The following ZFPM2 variants were observed in gnomAD, a reference collection of about 807,000 sequenced individuals.
ZFPM2 encodes zinc finger protein, FOG family member 2.
In ZFPM2, 20 loss-of-function variants were observed where a neutral mutation model predicts 98.6. The ratio of observed to expected loss-of-function variants is 0.20; its 90% CI spans 0.14 to 0.29. ZFPM2 has a LOEUF of 0.29. Ranked by LOEUF, ZFPM2 falls within the 10% of genes least tolerant of loss-of-function variation. The probability of loss-of-function intolerance (pLI) is 1.00; values close to 1 mark genes in which losing one functional copy is unlikely to be tolerated. For missense variants in ZFPM2, 1,310 were observed against 1,388.6 expected, an observed-to-expected ratio of 0.94 and a Z score of 0.90; for synonymous variants, 518 against 502.7, an observed-to-expected ratio of 1.03 and a Z score of -0.41.
At chr8:105,510,399 T>G (rs78856789) in intron 3 of ZFPM2, among the ~76,000 whole-genome samples, 1 of 61,120 alleles carries the variant, frequency 1.6e-5, no homozygotes, top group African/African-American at 1.8e-4. Context: ...TCTGTGCATG[T>G]TTTTTTTTTT....
intron 3 of ZFPM2, among the ~76,000 whole-genome samples, chr8:105,522,753 A>AT (rs1391978498): frequency 2.0e-5 from 3 of 152,008 alleles, no homozygotes; most frequent in Non-Finnish European, 4.4e-5. Context: ...CATCTTTCAA[A>AT]AAAAAAAAGA....
intron 1 of ZFPM2, among the ~76,000 whole-genome samples, chr8:105,397,134 C>T (rs116215444): frequency 1.8e-3 from 276 of 152,242 alleles, no homozygotes; most frequent in African/African-American, 6.1e-3. Context: ...GTATTTTTCT[C>T]ACACTACTCT....
At chr8:105,619,254 T>A (rs1340060078) in intron 4 of ZFPM2, among the ~76,000 whole-genome samples, 1 of 152,174 alleles carries the variant, frequency 6.6e-6, no homozygotes, top group Non-Finnish European at 1.5e-5. Flanking sequence ...CAAATATGTG[T>A]GTTTGGTCAT....
At chr8:105,399,839 C>A (rs183666750) in intron 1 of ZFPM2, among the ~76,000 whole-genome samples, 1 of 152,092 alleles carries the variant, frequency 6.6e-6, no homozygotes, top group African/African-American at 2.4e-5. Context: ...GATCTCGGCT[C>A]ACCGCAACCT....
intron 3 of ZFPM2, among the ~76,000 whole-genome samples, chr8:105,468,925 C>G (rs1236288293): frequency 1.3e-5 from 2 of 151,866 alleles, no homozygotes; most frequent in South Asian, 2.1e-4. Flanking sequence ...CCTCTTTCCT[C>G]TCTGCTTTAT....
At chr8:105,572,118 A>G (rs1328324253) in intron 4 of ZFPM2, among the ~76,000 whole-genome samples, 4 of 148,216 alleles carry the variant, frequency 2.7e-5, no homozygotes, top group African/African-American at 1.0e-4. Context: ...TCTCACTGCA[A>G]GCTCCACCTC....
At chr8:105,460,017 A>G (rs1490167120) in intron 3 of ZFPM2, among the ~76,000 whole-genome samples, 1 of 152,164 alleles carries the variant, frequency 6.6e-6, no homozygotes, top group Non-Finnish European at 1.5e-5. Flanking sequence ...TCCTAAATCT[A>G]GAACCCTCTG....
chr8:105,352,499 A>G (rs1187386220), intron 1 of ZFPM2, among the ~76,000 whole-genome samples: 1 of 152,158 alleles, frequency 6.6e-6, no homozygotes, highest in Admixed American at 6.5e-5. Flanking sequence ...TTTTAATTGG[A>G]AAAGAGTCCA....
At chr8:105,544,845 T>A (rs1212322760) in intron 3 of ZFPM2, among the ~76,000 whole-genome samples, 1 of 152,204 alleles carries the variant, frequency 6.6e-6, no homozygotes, top group African/African-American at 2.4e-5. Context: ...AAATTCCACA[T>A]GTTCGTACAC....
intron 2 of ZFPM2, among the ~76,000 whole-genome samples, chr8:105,423,988 T>C (rs1425393764): frequency 2.0e-5 from 3 of 151,932 alleles, no homozygotes; most frequent in Non-Finnish European, 4.4e-5. Context: ...TAATGCTATA[T>C]AAAAAAAGAT....
intron 5 of ZFPM2, among the ~76,000 whole-genome samples, chr8:105,649,991 G>T (rs922300479): frequency 6.6e-5 from 10 of 152,104 alleles, no homozygotes; most frequent in African/African-American, 2.4e-4. Context: ...GTAGAATTTG[G>T]CTGTGAATCC....
At chr8:105,716,778 C>G (rs1388609865) in intron 5 of ZFPM2, among the ~76,000 whole-genome samples, 1 of 152,016 alleles carries the variant, frequency 6.6e-6, no homozygotes, top group Non-Finnish European at 1.5e-5. Flanking sequence ...TTACTCCTTC[C>G]TGTAGTATAT....
At chr8:105,448,540 T>C (rs928714955) in intron 3 of ZFPM2, among the ~76,000 whole-genome samples, 3 of 152,042 alleles carry the variant, frequency 2.0e-5, no homozygotes, top group African/African-American at 7.2e-5. Flanking sequence ...GTCATTTCCC[T>C]CCTGTGGGCT....
intron 5 of ZFPM2, among the ~76,000 whole-genome samples, chr8:105,779,138 G>A (rs997985417): frequency 6.6e-6 from 1 of 152,120 alleles, no homozygotes; most frequent in African/African-American, 2.4e-5. Context: ...TTGTTAGTGA[G>A]GATGTATGCG....
chr8:105,374,843 C>T (rs1810691886), intron 1 of ZFPM2, among the ~76,000 whole-genome samples: 1 of 151,816 alleles, frequency 6.6e-6, no homozygotes, highest in African/African-American at 2.4e-5. Flanking sequence ...CTGGATTTGT[C>T]AATATTCTTT....
At chr8:105,451,629 A>G (rs1252310622) in intron 3 of ZFPM2, 1 of 152,236 alleles carries the variant, frequency 6.6e-6, no homozygotes, top group Non-Finnish European at 1.5e-5. Flanking sequence ...AAGGAAAGCT[A>G]AAGATTGCCA....
At chr8:105,377,605 T>TA (rs1336682373) in intron 1 of ZFPM2, among the ~76,000 whole-genome samples, 1,913 of 9,828 alleles carry the variant, frequency 0.19, 655 homozygotes, top group African/African-American at 0.51. Flanking sequence ...TTCTTAAAAA[T>TA]CCAAAAAAAA....
At chr8:105,605,809 AC>A (rs1413113592) in intron 4 of ZFPM2, among the ~76,000 whole-genome samples, 2 of 152,034 alleles carry the variant, frequency 1.3e-5, no homozygotes, top group Non-Finnish European at 2.9e-5. Context: ...TATACTAATG[AC>A]TTTGCTATGT....
chr8:105,594,888 A>T (rs1181544739), intron 4 of ZFPM2, among the ~76,000 whole-genome samples: 1 of 152,104 alleles, frequency 6.6e-6, no homozygotes, highest in African/African-American at 2.4e-5. Context: ...GCCCTCAAGG[A>T]GCTCAGTCCA....
Sources: allele counts gnomAD v4.1 joint callset (sites outside exome capture counted in the v4.1 genomes callset), GRCh38; gene constraint gnomAD v4.1.1; transcripts MANE v1.5; gene names NCBI Gene and HGNC (gene_info 2026-07-23, HGNC 2026-07-21).